The following PMS1 variants were observed in gnomAD, a reference collection of about 807,000 sequenced individuals.
The protein encoded by PMS1 is PMS1 homolog 1, mismatch repair system component, also known as PMS1 protein homolog 1.
Under a neutral mutation model 93.1 loss-of-function variants are expected in PMS1, and 79 were observed. The ratio of observed to expected loss-of-function variants is 0.85; its 90% CI spans 0.71 to 1.02. The LOEUF (loss-of-function observed/expected upper bound fraction) is 1.02. Among genes scored for constraint, PMS1 ranks in the 50% least tolerant of loss-of-function variants. The pLI, the probability that PMS1 is intolerant of heterozygous loss-of-function variation, is 0.00. For synonymous variants in PMS1, 335 were observed against 363.4 expected (o/e 0.92, Z 0.89); for missense variants, 1,064 against 1,085.3 (o/e 0.98, Z 0.28).
intron 4 of PMS1, among the ~76,000 whole-genome samples, chr2:189,809,702 A>G (rs1414635858): frequency 1.3e-5 from 2 of 151,660 alleles, no homozygotes; most frequent in African/African-American, 4.8e-5. Flanking sequence ...AAAATTAGCC[A>G]GGCATGGGGG....
intron 5 of PMS1, among the ~76,000 whole-genome samples, chr2:189,839,601 C>T (rs375385153): frequency 3.9e-4 from 60 of 152,290 alleles, no homozygotes; most frequent in African/African-American, 1.4e-3. Flanking sequence ...GAGACAAACT[C>T]CTGTCAAGTC....
intron 4 of PMS1, chr2:189,806,223 A>G (rs1013017419): frequency 7.5e-6 from 2 of 266,354 alleles, no homozygotes; most frequent in South Asian, 7.9e-5. Flanking sequence ...CTCAGTTTCA[A>G]TAATTTATCA....
intron 5 of PMS1, among the ~76,000 whole-genome samples, chr2:189,840,393 A>T (rs1258656376): frequency 6.6e-6 from 1 of 152,212 alleles, no homozygotes; most frequent in Non-Finnish European, 1.5e-5. Context: ...TGTGATTGGT[A>T]CAAGAGTAGG....
intron 5 of PMS1, among the ~76,000 whole-genome samples, chr2:189,821,868 TG>T (rs2051927108): frequency 6.6e-6 from 1 of 152,174 alleles, no homozygotes; most frequent in Non-Finnish European, 1.5e-5. Flanking sequence ...GTGATAAAAA[TG>T]AATATATTAG....
intron 12 of PMS1, among the ~76,000 whole-genome samples, chr2:189,873,997 G>A (rs1381323389): frequency 6.6e-6 from 1 of 152,038 alleles, no homozygotes; most frequent in East Asian, 1.9e-4. Flanking sequence ...AGGTATTATA[G>A]ATTGGCCAGA....
At chr2:189,827,523 G>A (rs1005172566) in intron 5 of PMS1, among the ~76,000 whole-genome samples, 2 of 152,148 alleles carry the variant, frequency 1.3e-5, no homozygotes, top group East Asian at 1.9e-4. Flanking sequence ...AATAATAAAA[G>A]GTAGAAAGTT....
chr2:189,873,291 C>T (rs1460805843), intron 11 of PMS1, among the ~76,000 whole-genome samples: 1 of 152,166 alleles, frequency 6.6e-6, no homozygotes, highest in Non-Finnish European at 1.5e-5. Flanking sequence ...ATATAAAGCA[C>T]ATGTGGTGTC....
intron 12 of PMS1, among the ~76,000 whole-genome samples, chr2:189,875,520 A>G (rs945515414): frequency 3.3e-5 from 5 of 152,170 alleles, no homozygotes; most frequent in African/African-American, 1.2e-4. Context: ...CTGTGGTAGG[A>G]ATAGACGACA....
In PMS1 at chr2:189,844,011, C is replaced by T; in HGVS notation, c.630C>T (p.Leu210=). ...KSRVSDHKMA[L]MSVLGTAVMN... is the part of the protein sequence containing the mutation. Reference sequence around the variant, plus strand: ...GAGTATCAGATCACAAGATGGCTCTCATGTCAGTTCTGGGGACTGCTGTTA... The same window carrying T: ...GAGTATCAGATCACAAGATGGCTCTTATGTCAGTTCTGGGGACTGCTGTTA... The change falls in exon 6 of 13, where the codon CTC becomes CTT. Residue 210 remains leucine (L), a synonymous_variant. Coordinates refer to ENST00000441310, the MANE Select transcript of PMS1 (RefSeq NM_000534.5). 6 of 1,614,008 alleles carry T rather than the reference C, an allele frequency of 3.7e-6. No individual in the cohort carries two copies. The highest frequency in any genetic ancestry group is 5.1e-6 in the Non-Finnish European group (6 of 1,179,954).
chr2:189,791,627 AAG>A, intron 1 of PMS1, 161 bp from the exon 2 acceptor site: 4 of 557,724 alleles, frequency 7.2e-6, no homozygotes, highest in African/African-American at 1.9e-5. Flanking sequence ...AAAAAAAAAA[AAG>A]AAGAAATAGA....
intron 5 of PMS1, among the ~76,000 whole-genome samples, chr2:189,831,435 C>G (rs2052921356): frequency 6.6e-6 from 1 of 152,122 alleles, no homozygotes; most frequent in Non-Finnish European, 1.5e-5. Flanking sequence ...GTGAAAAGCA[C>G]AAAGTGTCTA....
At chr2:189,868,105 G>A (rs2056820191) in intron 11 of PMS1, among the ~76,000 whole-genome samples, 176 bp downstream of exon 11, 1 of 152,148 alleles carries the variant, frequency 6.6e-6, no homozygotes, top group Non-Finnish European at 1.5e-5. Flanking sequence ...AAACAAGTAA[G>A]TTTGGCATCT....
chr2:189,807,712 G>T (rs2050474185), intron 4 of PMS1, among the ~76,000 whole-genome samples: 1 of 152,100 alleles, frequency 6.6e-6, no homozygotes, highest in African/African-American at 2.4e-5. Flanking sequence ...TCCTTTTCCT[G>T]CTGACCTCAG....
intron 5 of PMS1, among the ~76,000 whole-genome samples, chr2:189,825,256 A>G (rs1196914314): frequency 6.6e-6 from 1 of 152,148 alleles, no homozygotes; most frequent in Non-Finnish European, 1.5e-5. Flanking sequence ...GTGAATAATG[A>G]CACAGCCAAA....
intron 9 of PMS1, among the ~76,000 whole-genome samples, chr2:189,861,700 A>G (rs1263285152): frequency 1.3e-5 from 2 of 151,748 alleles, no homozygotes; most frequent in Non-Finnish European, 2.9e-5. Flanking sequence ...CAGTGAGCTG[A>G]AATCGTGCCA....
At chr2:189,863,194 TTTTG>T (rs911976697) in intron 9 of PMS1, among the ~76,000 whole-genome samples, 23 of 151,880 alleles carry the variant, frequency 1.5e-4, no homozygotes, top group Non-Finnish European at 2.6e-4. Context: ...ATTGAGGGTT[TTTTG>T]TTTGTTTGTT....
intron 4 of PMS1, among the ~76,000 whole-genome samples, chr2:189,808,285 A>C (rs2050516502): frequency 6.6e-6 from 1 of 152,244 alleles, no homozygotes; most frequent in Non-Finnish European, 1.5e-5. Flanking sequence ...AATTTTATTT[A>C]GGCATTGGAA....
intron 12 of PMS1, among the ~76,000 whole-genome samples, chr2:189,876,788 T>TTTTTTG (rs2057607858): frequency 6.7e-6 from 1 of 148,292 alleles, no homozygotes; most frequent in Admixed American, 6.7e-5. Context: ...TTTTTTTTTT[T>TTTTTTG]TTTTGTGGAG....
chr2:189,813,308 C>T (rs914905996), intron 4 of PMS1, among the ~76,000 whole-genome samples: 9 of 152,182 alleles, frequency 5.9e-5, no homozygotes, highest in Non-Finnish European at 1.2e-4. Context: ...GAGTTCCAGC[C>T]TGAGTGTGGT....
Sources: gnomAD v4.1 joint callset for allele counts (sites outside exome capture counted in the v4.1 genomes callset) on GRCh38, gnomAD v4.1.1 for gene constraint, MANE v1.5 for transcripts, NCBI Gene and HGNC (gene_info 2026-07-23, HGNC 2026-07-21) for gene names.